C16orf96: variants seen among roughly 807,000 people sequenced by gnomAD.
C16orf96 encodes the protein uncharacterized protein C16orf96.
Under a neutral mutation model 103.6 loss-of-function variants are expected in C16orf96, and 108 were observed. The ratio of observed to expected loss-of-function variants is 1.04; its 90% CI spans 0.89 to 1.22. The LOEUF is 1.22. Ranked by LOEUF, C16orf96 falls within the 50% of genes most tolerant of loss-of-function variation. C16orf96 has a pLI of 0.00. For missense variants in C16orf96, 1,586 were observed against 1,464.2 expected (o/e 1.08, Z -1.36); for synonymous variants, 566 against 593.5 (o/e 0.95, Z 0.67).
chr16:4,545,504 A>G, the C16orf96 span, among the ~76,000 whole-genome samples: 1 of 152,134 alleles, frequency 6.6e-6, no homozygotes, highest in Non-Finnish European at 1.5e-5. Flanking sequence ...GCCGGGTTTC[A>G]GCAAGAATTC....
At chr16:4,554,783 G>A (rs1235275530), upstream of C16orf96, among the ~76,000 whole-genome samples, 3 of 151,788 alleles carry the variant, frequency 2.0e-5, no homozygotes, top group Non-Finnish European at 2.9e-5. Context: ...CTCCCGAGTA[G>A]CTGACTACAG....
chr16:4,581,620 A>G (rs2059589944), intron 7 of C16orf96, among the ~76,000 whole-genome samples: 1 of 151,854 alleles, frequency 6.6e-6, no homozygotes, highest in African/African-American at 2.4e-5. Context: ...GCGACAGAGC[A>G]AGACTCCGTC....
intron 1 of C16orf96, among the ~76,000 whole-genome samples, chr16:4,569,040 G>A (rs1389499417): frequency 6.6e-6 from 1 of 152,046 alleles, no homozygotes; most frequent in African/African-American, 2.4e-5. Context: ...CATAATCTTG[G>A]CTTGCTGCAA....
intron 7 of C16orf96, among the ~76,000 whole-genome samples, chr16:4,585,518 G>A (rs1271484174): frequency 2.0e-5 from 3 of 152,178 alleles, no homozygotes; most frequent in Non-Finnish European, 4.4e-5. Context: ...ACTCAGCAAA[G>A]AAACGAGCCC....
chr16:4,585,089 G>A (rs568259346), intron 7 of C16orf96, among the ~76,000 whole-genome samples: 1 of 152,264 alleles, frequency 6.6e-6, no homozygotes, highest in East Asian at 1.9e-4. Context: ...GGAGGTTGCA[G>A]TGAGCTGAGC....
the C16orf96 span, among the ~76,000 whole-genome samples, chr16:4,546,733 G>A: frequency 6.6e-6 from 1 of 151,582 alleles, no homozygotes; most frequent in Non-Finnish European, 1.5e-5. Context: ...GCCTCCTAAA[G>A]TGCTGAGATT....
Position 4,576,366 on chromosome 16 carries a change from C to G in C16orf96, c.1886C>G (p.Ser629Cys). The G allele has an allele frequency of 6.4e-7, 1 of 1,550,918 alleles. No homozygotes were observed. The highest frequency in any genetic ancestry group is 8.7e-7 in the Non-Finnish European group (1 of 1,146,992). Residue 629 changes from serine to cysteine, a missense_variant, in exon 5 of 16, where the codon TCC (serine) becomes TGC (cysteine). Physicochemically the swap from Ser to Cys is moderately radical, Grantham distance 112. Coordinates refer to ENST00000444310, the MANE Select transcript of C16orf96 (RefSeq NM_001145011.2). ...VFADVLGAGP[S>C]RGATESQILG... ...GCAGATGTCCTGGGTGCAGGGCCTTCCCGGGGAGCCACAGAATCCCAGATC... is the reference window on the plus strand; with the variant it reads ...GCAGATGTCCTGGGTGCAGGGCCTTGCCGGGGAGCCACAGAATCCCAGATC...
chr16:4,591,235 A>G (rs115001357), intron 9 of C16orf96, among the ~76,000 whole-genome samples: 2,037 of 152,328 alleles, frequency 0.013, 51 homozygotes, highest in African/African-American at 0.046. Context: ...ACGATTGATT[A>G]TGATGGTCAC....
At position 4,576,618 on chromosome 16, in the gene C16orf96, A is replaced by G. The variant is rs1201063690; in HGVS notation, c.2138A>G (p.Gln713Arg). Residue 713 changes from glutamine (Q) to arginine (R), a missense_variant, in exon 5 of 16, where the codon CAG becomes CGG. Coordinates refer to ENST00000444310, the MANE Select transcript of C16orf96 (RefSeq NM_001145011.2). The stretch of plus-strand genomic sequence containing the variant: ...GCCCAGCTGTCCTGTAACCTGAACC[A>G]GCGCTTGAGTTATCTAGGTAGGCCT... ...EFAQLSCNLN[Q>R]RLSYLANMGG... The G allele has an allele frequency of 6.4e-7, 1 of 1,551,138 alleles. No homozygotes were observed. The highest frequency in any genetic ancestry group is 2.0e-5 in the Admixed American group (1 of 50,972).
chr16:4,556,227 T>C (rs114231984), upstream of C16orf96, among the ~76,000 whole-genome samples: 874 of 152,314 alleles, frequency 5.7e-3, 13 homozygotes, highest in African/African-American at 0.02. Flanking sequence ...GAGCACCTAC[T>C]CTGGGTGAGG....
chr16:4,543,632 G>A, the C16orf96 span, among the ~76,000 whole-genome samples: 4 of 151,446 alleles, frequency 2.6e-5, no homozygotes, highest in African/African-American at 7.3e-5. Context: ...GCCATGATCC[G>A]TATTTTATTT....
intron 9 of C16orf96, among the ~76,000 whole-genome samples, chr16:4,589,556 C>T (rs912135157): frequency 6.7e-6 from 1 of 149,830 alleles, no homozygotes; most frequent in African/African-American, 2.5e-5. Context: ...CCAGCCTGGG[C>T]AGCAGGAGCA....
chr16:4,555,492 C>G (rs545403439), upstream of C16orf96, among the ~76,000 whole-genome samples: 1 of 151,746 alleles, frequency 6.6e-6, no homozygotes, highest in African/African-American at 2.4e-5. Context: ...TCTGCCTCAG[C>G]CTCCAGAGTA....
At chr16:4,571,182 T>C (rs775554003) in intron 1 of C16orf96, among the ~76,000 whole-genome samples, 1 of 152,072 alleles carries the variant, frequency 6.6e-6, no homozygotes, top group Non-Finnish European at 1.5e-5. Context: ...TGAGACTCCA[T>C]CTTAGAAACA....
rs35130855 is a variant in C16orf96 at position 4,574,022 on chromosome 16, T to A, written c.526-687T>A. Among the ~76,000 whole-genome samples, 1,414 of 150,824 alleles carry A rather than the reference T, an allele frequency of 9.4e-3. 17 individuals are homozygous for A. The highest frequency in any genetic ancestry group is 0.013 in the Non-Finnish European group (875 of 67,674). On this transcript the variant is annotated intron_variant, in intron 2 of 15. Coordinates refer to ENST00000444310, the MANE Select transcript of C16orf96 (RefSeq NM_001145011.2). ...CTAATTTTTGTGTTTTTAGTGGAGG[T>A]GGGGGCTTCACCACATTGGTCAGGC...
chr16:4,571,940 C>T (rs962180526), intron 2 of C16orf96, among the ~76,000 whole-genome samples: 2 of 151,724 alleles, frequency 1.3e-5, no homozygotes, highest in African/African-American at 4.8e-5. Context: ...ACCTCTGCCT[C>T]CCGGGTTCAA....
At position 4,593,935 on chromosome 16, in the gene C16orf96, A is replaced by G. The variant is rs774508177; in HGVS notation, c.2868-416A>G. On this transcript the variant is annotated intron_variant, in intron 12 of 15. Transcript: ENST00000444310. The surrounding 1 kb of genome is among the most constrained non-coding windows in gnomAD (Gnocchi z 4.2). ...CAACCTCCTGACATCCCACAGCTCT[A>G]TGGATCTCCCCAGCCTCCAACCCTG... is the stretch of plus-strand genomic sequence containing the variant. 2.6e-5 allele frequency among the ~76,000 whole-genome samples: 4 copies of G among 152,168 alleles called. No homozygotes were observed. The highest frequency in any genetic ancestry group is 2.1e-4 in the South Asian group (1 of 4,820).
chr16:4,544,249 T>C, the C16orf96 span, among the ~76,000 whole-genome samples: 1 of 152,174 alleles, frequency 6.6e-6, no homozygotes, highest in Non-Finnish European at 1.5e-5. Context: ...GAACCAGAAA[T>C]GTAGTGAGCT....
At chr16:4,566,647 G>A (rs1174575124) in intron 1 of C16orf96, among the ~76,000 whole-genome samples, 3 of 152,052 alleles carry the variant, frequency 2.0e-5, no homozygotes, top group African/African-American at 7.2e-5. Flanking sequence ...TCTTGCTGGT[G>A]TCTTTTGAAG....
Sources: gnomAD v4.1 joint callset for allele counts (sites outside exome capture counted in the v4.1 genomes callset) on GRCh38, gnomAD v4.1.1 for gene constraint, Gnocchi (gnomAD v3.1) non-coding constraint, MANE v1.5 for transcripts, NCBI Gene and HGNC (gene_info 2026-07-23, HGNC 2026-07-21) for gene names.